The following ANK3 variants were observed in gnomAD, a reference collection of about 807,000 sequenced individuals.
ANK3 encodes ankyrin-3.
In ANK3, 57 loss-of-function variants were observed where a neutral mutation model predicts 370.9. The ratio of observed to expected loss-of-function variants is 0.15; its 90% CI spans 0.12 to 0.19. ANK3 has a LOEUF of 0.19. Ranked by LOEUF, ANK3 falls within the 10% of genes least tolerant of loss-of-function variation. ANK3 has a pLI of 1.00. For synonymous variants in ANK3, 1,929 were observed against 1,946.3 expected, an observed-to-expected ratio of 0.99 and a Z score of 0.23; for missense variants, 4,439 against 5,302.1, an observed-to-expected ratio of 0.84 and a Z score of 5.06.
chr10:60,306,892 C>T (rs1307151520), intron 1 of ANK3, among the ~76,000 whole-genome samples: 1 of 152,104 alleles, frequency 6.6e-6, no homozygotes, highest in East Asian at 1.9e-4. Context: ...GCTACCACAT[C>T]CATCTAATTT....
intron 16 of ANK3, among the ~76,000 whole-genome samples, chr10:60,193,139 T>C (rs1310190259): frequency 1.3e-5 from 2 of 152,218 alleles, no homozygotes; most frequent in South Asian, 4.1e-4. Flanking sequence ...CAATTGTGTA[T>C]GGAAATGAGA....
At chr10:60,497,586 T>C (rs1370532831) in intron 2 of ANK3, among the ~76,000 whole-genome samples, 1 of 152,184 alleles carries the variant, frequency 6.6e-6, no homozygotes, top group Non-Finnish European at 1.5e-5. Flanking sequence ...TTTATTACAT[T>C]TTGGCACACT....
intron 7 of ANK3, among the ~76,000 whole-genome samples, chr10:60,259,683 T>G (rs1169140398): frequency 6.6e-6 from 1 of 152,222 alleles, no homozygotes; most frequent in Non-Finnish European, 1.5e-5. Context: ...CTAATCCTCT[T>G]GTTTTTAGCA....
At chr10:60,585,881 CG>C (rs2077823978) in intron 2 of ANK3, among the ~76,000 whole-genome samples, 1 of 151,854 alleles carries the variant, frequency 6.6e-6, no homozygotes, top group Non-Finnish European at 1.5e-5. Flanking sequence ...AAAATTAGCT[CG>C]ACGTGGTGGC....
At chr10:60,336,260 A>G (rs996885914) in intron 1 of ANK3, among the ~76,000 whole-genome samples, 3 of 152,118 alleles carry the variant, frequency 2.0e-5, no homozygotes, top group Admixed American at 6.6e-5. Context: ...AGAGTTGAGC[A>G]TATTTGCAGG....
At chr10:60,702,763 C>T (rs912392118) in intron 1 of ANK3, among the ~76,000 whole-genome samples, 2 of 152,100 alleles carry the variant, frequency 1.3e-5, no homozygotes, top group African/African-American at 4.8e-5. Flanking sequence ...TTTGTAGTTC[C>T]AAAACTTTTG....
chr10:60,092,856 C>T (rs1281526105), intron 28 of ANK3, among the ~76,000 whole-genome samples: 8 of 152,220 alleles, frequency 5.3e-5, no homozygotes, highest in Admixed American at 5.2e-4. Context: ...CTGTCTCAGC[C>T]TCCCAAGTAG....
rs376783837 is a variant in ANK3, at chr10:60,217,054, A to T, written c.898-3544T>A. Among the ~76,000 whole-genome samples, 131 of 152,106 alleles carry T rather than the reference A, an allele frequency of 8.6e-4. 1 individual carries two copies. The South Asian group carries it at 0.026, about 31-fold the overall frequency. ...CTAGATTTTCCAGTTTATTTCCATA[A>T]AGGTGTTTATAGTATTTGCTGATAG... On this transcript the variant is annotated intron_variant, in intron 8 of 43. Coordinates refer to ENST00000280772, the MANE Select transcript of ANK3 (RefSeq NM_020987.5).
intron 2 of ANK3, among the ~76,000 whole-genome samples, chr10:60,574,657 C>T (rs557064448): frequency 2.0e-5 from 3 of 152,234 alleles, no homozygotes; most frequent in South Asian, 4.1e-4. Flanking sequence ...CTGCTTCTAC[C>T]GCTCATTGAC....
chr10:60,046,808 ATT>A (rs10632318), intron 42 of ANK3, among the ~76,000 whole-genome samples: 5 of 138,676 alleles, frequency 3.6e-5, no homozygotes, highest in African/African-American at 2.7e-5. Flanking sequence ...AGTAATCTCA[ATT>A]TTTTTTTTTT....
chr10:60,280,215 G>A (rs1002680965), intron 1 of ANK3, among the ~76,000 whole-genome samples: 4 of 152,014 alleles, frequency 2.6e-5, no homozygotes, highest in Non-Finnish European at 4.4e-5. Flanking sequence ...GACATGCGCC[G>A]CCATGCCAGG....
At chr10:60,549,172 CACAT>C (rs150027394) in intron 2 of ANK3, among the ~76,000 whole-genome samples, 71 of 149,528 alleles carry the variant, frequency 4.7e-4, no homozygotes, top group African/African-American at 1.2e-3. Flanking sequence ...CACACACACA[CACAT>C]ACCATCATGT....
chr10:60,083,126 C>T (rs1256025080), intron 33 of ANK3, among the ~76,000 whole-genome samples: 2 of 152,112 alleles, frequency 1.3e-5, no homozygotes, highest in Admixed American at 6.5e-5. Flanking sequence ...CCCTCTAGAA[C>T]GTCCCTGGGC....
intron 36 of ANK3, among the ~76,000 whole-genome samples, chr10:60,077,026 C>G (rs1367873214): frequency 3.3e-5 from 5 of 152,120 alleles, no homozygotes; most frequent in Admixed American, 2.6e-4. Context: ...CAAAACCACT[C>G]AAGCCTATTT....
At chr10:60,368,124 T>C (rs2059635867) in intron 1 of ANK3, among the ~76,000 whole-genome samples, 1 of 152,128 alleles carries the variant, frequency 6.6e-6, no homozygotes, top group Non-Finnish European at 1.5e-5. Context: ...GTTCAGTTTA[T>C]TACAACCTTG....
Position 60,456,185 on chromosome 10 carries a change from T to A in ANK3, c.96+159001A>T, listed in dbSNP as rs114720470. Among the ~76,000 whole-genome samples the A allele has an allele frequency of 6.6e-3, 1,003 of 152,246 alleles. 11 individuals are homozygous for A. Among genetic ancestry groups the A allele is most frequent in the African/African-American group, 0.021 (883 of 41,552 alleles). On this transcript the variant is annotated intron_variant, in intron 2 of 43. Transcript: ENST00000373827. ...GAGAGGACATCTTTCTTATCCTGCATCTAACCAGGGAAGTAAAATGCCTGT... is the reference window on the plus strand; with the variant it reads ...GAGAGGACATCTTTCTTATCCTGCAACTAACCAGGGAAGTAAAATGCCTGT...
chr10:60,623,971 G>A (rs2078374410), intron 1 of ANK3, among the ~76,000 whole-genome samples: 1 of 152,118 alleles, frequency 6.6e-6, no homozygotes, highest in African/African-American at 2.4e-5. Flanking sequence ...ACATAACTCT[G>A]TATGTTCTCA....
In ANK3 at chr10:60,108,830, C is replaced by A; in HGVS notation, c.3173G>T (p.Gly1058Val). 1 of 1,612,984 alleles carries A rather than the reference C, an allele frequency of 6.2e-7. No homozygotes were observed. The highest frequency in any genetic ancestry group is 1.1e-5 in the South Asian group (1 of 91,026). ...GGTTAAAATTGACAAAACAACTTAC[C>A]CTAAAAATTGTGCCCCTGCAGGACC... ...EMGPAGAQFLGPVIVEIPHFG... is the reference protein window; with the variant it reads ...EMGPAGAQFLVPVIVEIPHFG... The change falls in exon 27 of 44, where the codon GGC becomes GTC. Residue 1058 changes from glycine (G) to valine (V), a missense_variant and splice_region_variant. Coordinates refer to ENST00000280772, the MANE Select transcript of ANK3 (RefSeq NM_020987.5).
At chr10:60,389,289 C>G in intron 1 of ANK3, 136 bp downstream of exon 1, 1 of 793,186 alleles carries the variant, frequency 1.3e-6, no homozygotes, top group Non-Finnish European at 2.0e-6. Flanking sequence ...GGTTTATCAT[C>G]TGTTCCCAAT....
Sources: allele counts gnomAD v4.1 joint callset (sites outside exome capture counted in the v4.1 genomes callset), GRCh38; gene constraint gnomAD v4.1.1; transcripts MANE v1.5; gene names NCBI Gene and HGNC (gene_info 2026-07-23, HGNC 2026-07-21).